Variants in AGTPBP1 observed in about 807,000 individuals in gnomAD.
AGTPBP1 encodes the protein cytosolic carboxypeptidase 1.
In AGTPBP1, 70 loss-of-function variants were observed where a neutral mutation model predicts 143.9. That is an observed-to-expected ratio of 0.49 (90% CI 0.40 to 0.59). The LOEUF is 0.59. Among genes scored for constraint, AGTPBP1 ranks in the 20% least tolerant of loss-of-function variants. The pLI, the probability that AGTPBP1 is intolerant of heterozygous loss-of-function variation, is 0.00. For synonymous variants in AGTPBP1, 463 were observed against 500.2 expected, an observed-to-expected ratio of 0.93 and a Z score of 0.99; for missense variants, 1,229 against 1,464.5, an observed-to-expected ratio of 0.84 and a Z score of 2.62.
In AGTPBP1 at chr9:85,563,572, G is replaced by A. The variant is rs542195171; in HGVS notation, c.3503+11743C>T. ...AGAAATTAAAGATGGAATCATTCAC[G>A]AGAGAGGAAGCAGAACTTAAAAATT... On this transcript the variant is annotated intron_variant, in intron 25 of 25. Transcript: ENST00000357081. Among the ~76,000 whole-genome samples the A allele has an allele frequency of 1.6e-4, 25 of 152,272 alleles. No homozygotes were observed. In the South Asian group the frequency reaches 3.5e-3, roughly 21 times the overall value.
chr9:85,678,324 C>T lies in AGTPBP1; in HGVS notation c.289+11G>A. On this transcript the variant is annotated intron_variant, in intron 5 of 25. Transcript: ENST00000357081. ...AGAAACAGAAATTAGACCAAAGAAA[C>T]AAAAACTTACCAGCTGACACCAGCT... 1 of 1,581,218 alleles carries T rather than the reference C, an allele frequency of 6.3e-7. No individual in the cohort carries two copies. The highest frequency in any genetic ancestry group is 8.6e-7 in the Non-Finnish European group (1 of 1,159,380).
chr9:85,698,196 T>C (rs767187365), intron 2 of AGTPBP1, among the ~76,000 whole-genome samples: 21 of 152,142 alleles, frequency 1.4e-4, no homozygotes, highest in Non-Finnish European at 2.4e-4. Flanking sequence ...AATTAAGAGC[T>C]TGCTTTGCCA....
intron 6 of AGTPBP1, among the ~76,000 whole-genome samples, chr9:85,675,154 T>C (rs1475591146): frequency 2.0e-5 from 3 of 151,874 alleles, no homozygotes; most frequent in Non-Finnish European, 4.4e-5. Flanking sequence ...CCTTGGCCTC[T>C]CAAAGTGCTG....
At chr9:85,790,766 C>T in the AGTPBP1 span, among the ~76,000 whole-genome samples, 2 of 152,114 alleles carry the variant, frequency 1.3e-5, no homozygotes, top group African/African-American at 4.8e-5. Context: ...TAACACACAG[C>T]TCTATTGAGT....
intron 19 of AGTPBP1, among the ~76,000 whole-genome samples, chr9:85,591,193 A>AG (rs397825073): frequency 1.7e-4 from 25 of 150,224 alleles, no homozygotes; most frequent in Non-Finnish European, 2.2e-4. Context: ...AAAAAAAAAA[A>AG]GGGGGGGAGT....
At chr9:85,765,413 G>A in the AGTPBP1 span, among the ~76,000 whole-genome samples, 1 of 152,028 alleles carries the variant, frequency 6.6e-6, no homozygotes, top group East Asian at 1.9e-4. Flanking sequence ...CCAAATAGAT[G>A]CACAAAATTC....
chr9:85,681,238 T>A (rs1035687565), intron 4 of AGTPBP1, 30 bp downstream of exon 4: 15 of 1,598,940 alleles, frequency 9.4e-6, no homozygotes, highest in Admixed American at 1.7e-5. Flanking sequence ...GCATTAGTAG[T>A]TACATAATTA....
chr9:85,656,130 A>G (rs1437947282), intron 10 of AGTPBP1, among the ~76,000 whole-genome samples: 1 of 152,158 alleles, frequency 6.6e-6, no homozygotes, highest in Non-Finnish European at 1.5e-5. Context: ...CCTGGCCCAC[A>G]ATATAAAGTT....
the AGTPBP1 span, among the ~76,000 whole-genome samples, chr9:85,778,394 C>T: frequency 6.6e-6 from 1 of 152,172 alleles, no homozygotes; most frequent in African/African-American, 2.4e-5. Context: ...ATCCTAGAGG[C>T]CTCCACTGTG....
chr9:85,718,633 G>C (rs1486130296), intron 1 of AGTPBP1, among the ~76,000 whole-genome samples: 1 of 152,152 alleles, frequency 6.6e-6, no homozygotes, highest in African/African-American at 2.4e-5. Context: ...TGTTCACTCT[G>C]ATTACAGTTT....
chr9:85,767,152 T>TAAA, the AGTPBP1 span, among the ~76,000 whole-genome samples: 433 of 151,342 alleles, frequency 2.9e-3, no homozygotes, highest in South Asian at 9.3e-3. Context: ...TTTAAACTTT[T>TAAA]AATTTCTCAT....
intron 11 of AGTPBP1, among the ~76,000 whole-genome samples, chr9:85,654,170 G>T (rs114399793): frequency 6.6e-6 from 1 of 151,210 alleles, no homozygotes; most frequent in Non-Finnish European, 1.5e-5. Flanking sequence ...AAGAATCTTC[G>T]TTTTTTTTCT....
intron 1 of AGTPBP1, among the ~76,000 whole-genome samples, chr9:85,717,193 A>T (rs186769540): frequency 6.6e-6 from 1 of 152,276 alleles, no homozygotes; most frequent in East Asian, 1.9e-4. Flanking sequence ...CTGCCTTCTA[A>T]AACATGATGA....
chr9:85,724,776 G>C (rs984723506), intron 1 of AGTPBP1, among the ~76,000 whole-genome samples: 5 of 152,094 alleles, frequency 3.3e-5, no homozygotes, highest in African/African-American at 1.2e-4. Context: ...ATGAGGGCAT[G>C]GATCTTTGTT....
the AGTPBP1 span, among the ~76,000 whole-genome samples, chr9:85,800,807 TTGTGTGTGTG>T: frequency 9.0e-5 from 13 of 144,686 alleles, no homozygotes; most frequent in South Asian, 1.1e-3. Flanking sequence ...TTTAGAATGG[TTGTGTGTGTG>T]TGTGTGTGTG....
At chr9:85,644,955 A>G (rs1243220489) in intron 12 of AGTPBP1, among the ~76,000 whole-genome samples, 1 of 152,166 alleles carries the variant, frequency 6.6e-6, no homozygotes, top group Admixed American at 6.5e-5. Context: ...CAGCAGTCTC[A>G]AAAAGCCAAC....
At chr9:85,732,171 A>G (rs1454377846) in intron 1 of AGTPBP1, among the ~76,000 whole-genome samples, 1 of 151,618 alleles carries the variant, frequency 6.6e-6, no homozygotes, top group Non-Finnish European at 1.5e-5. Context: ...TTACCTTGAA[A>G]CACACATTTT....
chr9:85,553,494 T>C (rs1826153182), intron 25 of AGTPBP1, among the ~76,000 whole-genome samples: 1 of 152,204 alleles, frequency 6.6e-6, no homozygotes, highest in Admixed American at 6.5e-5. Flanking sequence ...AGCTATGATG[T>C]TTGGTAGTTA....
At chr9:85,790,748 G>A in the AGTPBP1 span, among the ~76,000 whole-genome samples, 14 of 152,088 alleles carry the variant, frequency 9.2e-5, no homozygotes, top group Non-Finnish European at 1.6e-4. Context: ...TGTTCTACTG[G>A]TTAATTGTAA....
Sources: gnomAD v4.1 joint callset for allele counts (sites outside exome capture counted in the v4.1 genomes callset) on GRCh38, gnomAD v4.1.1 for gene constraint, MANE v1.5 for transcripts, NCBI Gene and HGNC (gene_info 2026-07-23, HGNC 2026-07-21) for gene names.